ASIC2: variants seen among roughly 807,000 people sequenced by gnomAD.
The protein encoded by ASIC2 is acid sensing ion channel subunit 2.
A neutral mutation model predicts 57.3 loss-of-function variants in ASIC2; 25 were observed. The observed-to-expected ratio is 0.44, with a 90% confidence interval of 0.32 to 0.61. ASIC2 has a LOEUF of 0.61. Ranked by LOEUF, ASIC2 falls within the 20% of genes least tolerant of loss-of-function variation. ASIC2 has a pLI of 0.06. For missense variants in ASIC2, 641 were observed against 738.1 expected (o/e 0.87, Z 1.52); for synonymous variants, 319 against 307.5 (o/e 1.04, Z -0.39).
At chr17:33,799,423 CTTTCTTCTTTCT>C (rs1298317378) in intron 1 of ASIC2, among the ~76,000 whole-genome samples, 90 of 66,720 alleles carry the variant, frequency 1.3e-3, no homozygotes, top group Middle Eastern at 5.2e-3. Context: ...TTCTTTCTTT[CTTTCTTCTTTCT>C]TTCTTTCTTT....
At chr17:33,191,002 A>G (rs1906394537) in intron 1 of ASIC2, among the ~76,000 whole-genome samples, 1 of 152,212 alleles carries the variant, frequency 6.6e-6, no homozygotes, top group African/African-American at 2.4e-5. Context: ...GAAAGCATAA[A>G]TTCATGCAAA....
chr17:33,132,838 T>C (rs547015581), intron 1 of ASIC2, among the ~76,000 whole-genome samples: 1 of 152,336 alleles, frequency 6.6e-6, no homozygotes, highest in African/African-American at 2.4e-5. Flanking sequence ...TCTATGTGCA[T>C]GGAGTGGGAG....
At chr17:33,552,584 A>T (rs1915785434) in intron 1 of ASIC2, among the ~76,000 whole-genome samples, 1 of 152,238 alleles carries the variant, frequency 6.6e-6, no homozygotes, top group Admixed American at 6.5e-5. Flanking sequence ...AAAAGGAAAG[A>T]CAATATCTGC....
chr17:33,535,398 G>A (rs1363522969), intron 1 of ASIC2, among the ~76,000 whole-genome samples: 1 of 150,870 alleles, frequency 6.6e-6, no homozygotes, highest in African/African-American at 2.4e-5. Flanking sequence ...TCAGCCTCCC[G>A]AGTAGCTGGG....
intron 1 of ASIC2, among the ~76,000 whole-genome samples, chr17:33,282,455 G>GTGTC (rs1330182158): frequency 1.2e-5 from 1 of 86,126 alleles, no homozygotes; most frequent in Non-Finnish European, 2.3e-5. Context: ...CTGTGTGTAT[G>GTGTC]TGTGTGTGTG....
At chr17:33,362,754 C>T (rs570959464) in intron 1 of ASIC2, among the ~76,000 whole-genome samples, 43 of 152,326 alleles carry the variant, frequency 2.8e-4, no homozygotes, top group African/African-American at 9.4e-4. Flanking sequence ...TAGAACAGTG[C>T]CTGACATGAA....
At chr17:33,518,778 G>A (rs1242575312) in intron 1 of ASIC2, among the ~76,000 whole-genome samples, 1 of 151,600 alleles carries the variant, frequency 6.6e-6, no homozygotes, top group African/African-American at 2.4e-5. Context: ...AAATGCTTTG[G>A]ACACATTAAC....
chr17:33,240,959 C>A (rs368736996), intron 1 of ASIC2, among the ~76,000 whole-genome samples: 10 of 152,128 alleles, frequency 6.6e-5, no homozygotes, highest in African/African-American at 2.2e-4. Context: ...TATGGAGTGC[C>A]TATTACATAC....
chr17:34,095,934 G>A (rs141454337), intron 1 of ASIC2, among the ~76,000 whole-genome samples: 3 of 151,902 alleles, frequency 2.0e-5, no homozygotes, highest in African/African-American at 4.8e-5. Context: ...AAACCAATTT[G>A]TATTACTATA....
chr17:33,125,231 G>A (rs2092318648), intron 1 of ASIC2, among the ~76,000 whole-genome samples: 1 of 152,220 alleles, frequency 6.6e-6, no homozygotes, highest in Non-Finnish European at 1.5e-5. Flanking sequence ...CAGAGGCAGA[G>A]GTGGTATCTT....
chr17:33,244,291 G>C (rs1030606881), intron 1 of ASIC2, among the ~76,000 whole-genome samples: 1 of 152,156 alleles, frequency 6.6e-6, no homozygotes, highest in African/African-American at 2.4e-5. Context: ...ACATTGGAAA[G>C]GCAGGTTAGG....
chr17:34,076,097 G>C lies in ASIC2; in HGVS notation c.555+79881C>G, dbSNP rs533306565. ...GGCTCACTGCAAGCTCCGCCTCCCG[G>C]GTTCATGTCATTCTCCTGCCTCAGC... On this transcript the variant is annotated intron_variant, in intron 1 of 9. Transcript: ENST00000359872. 2.3e-4 allele frequency among the ~76,000 whole-genome samples: 35 copies of C among 152,034 alleles called. 1 individual carries two copies. The South Asian group carries it at 7.3e-3, about 32-fold the overall frequency.
chr17:33,400,949 G>A (rs1462727166), intron 1 of ASIC2, among the ~76,000 whole-genome samples: 3 of 152,186 alleles, frequency 2.0e-5, no homozygotes, highest in East Asian at 1.9e-4. Context: ...ATTCTCAGTG[G>A]ATTAAAACAA....
chr17:33,579,541 C>T (rs1416411114), intron 1 of ASIC2, among the ~76,000 whole-genome samples: 1 of 152,126 alleles, frequency 6.6e-6, no homozygotes, highest in Non-Finnish European at 1.5e-5. Flanking sequence ...GTCTCCCTGC[C>T]TTCAAGAATG....
chr17:33,958,686 G>C (rs924818410), intron 1 of ASIC2, among the ~76,000 whole-genome samples: 1 of 152,106 alleles, frequency 6.6e-6, no homozygotes, highest in African/African-American at 2.4e-5. Flanking sequence ...AGACCTCCCA[G>C]CCTGTGATGG....
At chr17:33,101,879 A>G (rs531227323) in intron 2 of ASIC2, among the ~76,000 whole-genome samples, 1 of 151,124 alleles carries the variant, frequency 6.6e-6, no homozygotes, top group South Asian at 2.1e-4. Context: ...GTTTTGTTTT[A>G]CCTTGCTTTT....
chr17:33,810,882 C>T (rs1185735355), intron 1 of ASIC2, among the ~76,000 whole-genome samples: 2 of 151,682 alleles, frequency 1.3e-5, no homozygotes, highest in African/African-American at 4.8e-5. Context: ...CATACACACA[C>T]ACACACACAC....
intron 1 of ASIC2, among the ~76,000 whole-genome samples, chr17:33,144,407 T>C (rs1213995705): frequency 6.6e-6 from 1 of 151,980 alleles, no homozygotes; most frequent in Admixed American, 6.6e-5. Context: ...TTGTGAGCAG[T>C]AAAAGCAAAA....
At chr17:33,295,634 G>C (rs138670769), upstream of ASIC2, among the ~76,000 whole-genome samples, 1 of 152,106 alleles carries the variant, frequency 6.6e-6, no homozygotes, top group Non-Finnish European at 1.5e-5. Flanking sequence ...ACTATGACCC[G>C]TTTGCAGACA....
Sources: allele counts gnomAD v4.1 joint callset (sites outside exome capture counted in the v4.1 genomes callset), GRCh38; gene constraint gnomAD v4.1.1; transcripts MANE v1.5; gene names NCBI Gene and HGNC (gene_info 2026-07-23, HGNC 2026-07-21).